Variants in SLC4A10 observed in about 807,000 individuals in gnomAD.
The protein encoded by SLC4A10 is solute carrier family 4 member 10.
Under a neutral mutation model 137.7 loss-of-function variants are expected in SLC4A10, and 42 were observed. The observed-to-expected ratio is 0.30, with a 90% CI of 0.24 to 0.39. SLC4A10 has a LOEUF of 0.39. Among genes scored for constraint, SLC4A10 ranks in the 10% least tolerant of loss-of-function variants. SLC4A10 has a pLI of 1.00. For missense variants in SLC4A10, 925 were observed against 1,355.0 expected (o/e 0.68, Z 4.98); for synonymous variants, 474 against 464.1 (o/e 1.02, Z -0.27).
At chr2:161,710,614 G>A (rs968876084) in intron 1 of SLC4A10, 2 of 431,550 alleles carry the variant, frequency 4.6e-6, no homozygotes, top group Admixed American at 2.5e-5. Context: ...TTCTTGCATG[G>A]CAGGATAATC....
At chr2:161,821,980 A>G (rs1481170728) in intron 3 of SLC4A10, among the ~76,000 whole-genome samples, 1 of 152,110 alleles carries the variant, frequency 6.6e-6, no homozygotes. Flanking sequence ...ATAAATTATT[A>G]TTTTCTTTAC....
intron 24 of SLC4A10, among the ~76,000 whole-genome samples, chr2:161,975,000 A>G (rs1052128409): frequency 1.3e-5 from 2 of 152,296 alleles, no homozygotes; most frequent in Non-Finnish European, 2.9e-5. Context: ...CAAAGTCTTT[A>G]TGAATAATTT....
intron 1 of SLC4A10, among the ~76,000 whole-genome samples, chr2:161,740,770 T>C (rs1476014881): frequency 1.3e-5 from 2 of 152,220 alleles, no homozygotes; most frequent in Admixed American, 6.5e-5. Context: ...CAGATTTACA[T>C]GCTTGCTGTT....
rs145995488 is a variant in SLC4A10 at position 161,759,255 on chromosome 2, C to T, written c.49-11718C>T. The stretch of plus-strand genomic sequence containing the variant: ...AGGTGTACAGTGATGATTTGATATA[C>T]ATTGTATAATGATTACCACAATCAA... On this transcript the variant is annotated intron_variant, in intron 1 of 26. Coordinates refer to ENST00000446997, the MANE Select transcript of SLC4A10 (RefSeq NM_001178015.2). Among the ~76,000 whole-genome samples, 217 of 152,048 alleles carry T rather than the reference C, an allele frequency of 1.4e-3. 5 individuals are homozygous for T. In the East Asian group the frequency reaches 0.041, roughly 29 times the overall value.
intron 1 of SLC4A10, among the ~76,000 whole-genome samples, chr2:161,675,122 G>C (rs1268641168): frequency 6.6e-6 from 1 of 152,200 alleles, no homozygotes; most frequent in African/African-American, 2.4e-5. Flanking sequence ...GTTCAATGTA[G>C]CTGTAGTTAA....
intron 3 of SLC4A10, 25 bp from the exon 4 acceptor site, chr2:161,839,764 G>T: frequency 6.2e-7 from 1 of 1,612,714 alleles, no homozygotes; most frequent in East Asian, 2.2e-5. Context: ...CATGTTCATG[G>T]TAATACATGT....
At chr2:161,911,002 A>C (rs1035063935) in intron 15 of SLC4A10, among the ~76,000 whole-genome samples, 1 of 151,978 alleles carries the variant, frequency 6.6e-6, no homozygotes, top group African/African-American at 2.4e-5. Context: ...TATGTAAATA[A>C]ACATTTAAAA....
At chr2:161,639,290 C>A (rs1479447430) in intron 1 of SLC4A10, among the ~76,000 whole-genome samples, 1 of 151,974 alleles carries the variant, frequency 6.6e-6, no homozygotes, top group Admixed American at 6.6e-5. Context: ...GCCAGCAATA[C>A]CCTGATACCA....
intron 19 of SLC4A10, among the ~76,000 whole-genome samples, chr2:161,954,855 T>C (rs79339484): frequency 0.013 from 2,007 of 152,300 alleles, 40 homozygotes; most frequent in East Asian, 0.099. Context: ...TACATTTGTA[T>C]CATATTTTTA....
At chr2:161,699,666 C>A (rs984002959) in intron 1 of SLC4A10, among the ~76,000 whole-genome samples, 12 of 151,954 alleles carry the variant, frequency 7.9e-5, no homozygotes, top group African/African-American at 2.9e-4. Context: ...TCAGAGTAGT[C>A]AGGAAGTTAA....
intron 1 of SLC4A10, among the ~76,000 whole-genome samples, chr2:161,710,380 C>A (rs1275696155): frequency 2.6e-5 from 4 of 151,670 alleles, no homozygotes; most frequent in Non-Finnish European, 3.0e-5. Flanking sequence ...CACTGTATTC[C>A]TGACCTTTCA....
intron 1 of SLC4A10, among the ~76,000 whole-genome samples, chr2:161,664,817 A>T (rs1161995594): frequency 6.6e-6 from 1 of 151,478 alleles, no homozygotes; most frequent in African/African-American, 2.4e-5. Flanking sequence ...GCTTACTTGC[A>T]TTTAATTTCA....
At chr2:161,714,104 C>G (rs904845616) in intron 1 of SLC4A10, among the ~76,000 whole-genome samples, 3 of 151,818 alleles carry the variant, frequency 2.0e-5, no homozygotes, top group African/African-American at 7.2e-5. Context: ...ATTTTTAGAA[C>G]AATAGGAGAC....
chr2:161,659,258 A>G (rs1045104555), intron 1 of SLC4A10, among the ~76,000 whole-genome samples: 43 of 152,314 alleles, frequency 2.8e-4, no homozygotes, highest in African/African-American at 9.4e-4. Context: ...TTGAAGCAAC[A>G]TGGATGGAAT....
intron 3 of SLC4A10, 130 bp downstream of exon 3, chr2:161,804,725 G>A (rs2055741402): frequency 1.3e-6 from 1 of 746,596 alleles, no homozygotes; most frequent in Non-Finnish European, 1.9e-6. Flanking sequence ...TGGGCCGGTT[G>A]GAGAGAAGTG....
intron 1 of SLC4A10, among the ~76,000 whole-genome samples, chr2:161,654,874 C>T (rs2037295667): frequency 6.6e-6 from 1 of 152,008 alleles, no homozygotes; most frequent in African/African-American, 2.4e-5. Context: ...TTTGTGGTCT[C>T]ATATGAATTG....
At chr2:161,708,572 T>A (rs2043938298) in intron 1 of SLC4A10, 1 of 1,006,512 alleles carries the variant, frequency 9.9e-7, no homozygotes, top group East Asian at 2.8e-5. Context: ...CAGTCTCTCT[T>A]AGTATGGGGT....
chr2:161,639,266 ACTC>A (rs2034934724), intron 1 of SLC4A10, among the ~76,000 whole-genome samples: 1 of 152,088 alleles, frequency 6.6e-6, no homozygotes, highest in Admixed American at 6.5e-5. Context: ...ATTTTTCCAA[ACTC>A]ATTTGATAAG....
At chr2:161,836,572 GAAA>G (rs1480942111) in intron 3 of SLC4A10, among the ~76,000 whole-genome samples, 8 of 110,556 alleles carry the variant, frequency 7.2e-5, no homozygotes, top group South Asian at 3.0e-4. Flanking sequence ...AAGAAAGAAA[GAAA>G]GAAAGAAAGA....
Sources: allele counts gnomAD v4.1 joint callset (sites outside exome capture counted in the v4.1 genomes callset), GRCh38; gene constraint gnomAD v4.1.1; transcripts MANE v1.5; gene names NCBI Gene and HGNC (gene_info 2026-07-23, HGNC 2026-07-21).